The following PTPRN2 variants were observed in gnomAD, a reference collection of about 807,000 sequenced individuals.
The protein encoded by PTPRN2 is protein tyrosine phosphatase receptor type N2.
PTPRN2 carries 74 observed loss-of-function variants against 118.8 expected under a neutral mutation model. That is an observed-to-expected ratio of 0.62 (90% CI 0.52 to 0.76). The LOEUF (loss-of-function observed/expected upper bound fraction) is 0.76. PTPRN2 is among the 30% of genes least tolerant of loss of function. The pLI is 0.00. For synonymous variants in PTPRN2, 641 were observed against 608.0 expected (o/e 1.05, Z -0.80); for missense variants, 1,481 against 1,394.4 (o/e 1.06, Z -0.99).
intron 11 of PTPRN2, among the ~76,000 whole-genome samples, chr7:157,947,873 C>T (rs1800582071): frequency 6.6e-6 from 1 of 152,154 alleles, no homozygotes; most frequent in African/African-American, 2.4e-5. Context: ...CACCAGAAAC[C>T]ATGGAGGCCT....
rs1232364407 is a variant in PTPRN2, at chr7:157,881,223, A to ACGGTAAAATGAG, written c.1788+17449_1788+17450insCTCATTTTACCG. On this transcript the variant is annotated intron_variant, in intron 12 of 22. Transcript: ENST00000389418. The surrounding 1 kb of genome is among the most constrained non-coding windows in gnomAD (Gnocchi z 4.7). ...ATGTGGAGATGGGGGTGTTTACAGTAGTCATTATGGTAAAATGAGGTCATG... is the reference window on the plus strand; with the variant it reads ...ATGTGGAGATGGGGGTGTTTACAGTACGGTAAAATGAGGTCATTATGGTAAAATGAGGTCATG... Among the ~76,000 whole-genome samples the ACGGTAAAATGAG allele has an allele frequency of 1.2e-4, 17 of 147,488 alleles. No homozygotes were observed. Among genetic ancestry groups the ACGGTAAAATGAG allele is most frequent in the Admixed American group, 1.1e-3 (16 of 15,018 alleles).
chr7:157,983,835 C>G (rs1055155139), intron 11 of PTPRN2, among the ~76,000 whole-genome samples: 3 of 152,180 alleles, frequency 2.0e-5, no homozygotes, highest in African/African-American at 7.2e-5. Flanking sequence ...TTCATCAGCT[C>G]AAAAGCTGTG....
chr7:157,648,856 C>G (rs1805366884), intron 14 of PTPRN2, among the ~76,000 whole-genome samples: 1 of 147,924 alleles, frequency 6.8e-6, no homozygotes. Context: ...CCAGCGTGCA[C>G]TGAACTCGGT....
Position 157,632,629 on chromosome 7 carries a change from G to A in PTPRN2, c.2197-11120C>T, listed in dbSNP as rs572031795. Among the ~76,000 whole-genome samples, 1 of 151,882 alleles carries A rather than the reference G, an allele frequency of 6.6e-6. No homozygotes were observed. Among genetic ancestry groups the A allele is most frequent in the South Asian group, 2.1e-4 (1 of 4,818 alleles). ...GGGTGACAGGGGTCACCTGCAGAAAGACTAAGAAAGAAGCTGTTTAATAAT... is the reference window on the plus strand; with the variant it reads ...GGGTGACAGGGGTCACCTGCAGAAAAACTAAGAAAGAAGCTGTTTAATAAT... On this transcript the variant is annotated intron_variant, in intron 14 of 22. Coordinates refer to ENST00000389418, the MANE Select transcript of PTPRN2 (RefSeq NM_002847.5). This position sits in a 1 kb window ranked among gnomAD's most constrained non-coding sequence, Gnocchi z 4.3.
intron 13 of PTPRN2, among the ~76,000 whole-genome samples, chr7:157,666,638 C>T (rs529810045): frequency 7.9e-5 from 12 of 152,328 alleles, no homozygotes; most frequent in East Asian, 1.9e-4. Flanking sequence ...CCAGATCACC[C>T]GGGGCTGTGT....
chr7:158,407,228 G>C (rs374563546), intron 2 of PTPRN2, among the ~76,000 whole-genome samples: 693 of 22,780 alleles, frequency 0.03, 17 homozygotes, highest in Admixed American at 0.044. Context: ...CTGCGTCCTG[G>C]GTCCTGGGTC....
chr7:157,911,093 G>A (rs1798078918), intron 11 of PTPRN2, among the ~76,000 whole-genome samples: 1 of 152,204 alleles, frequency 6.6e-6, no homozygotes. Context: ...GAGGCCAAAG[G>A]CACTGTGGCA....
At chr7:158,171,177 CATATATACACACAT>C (rs1823571234) in intron 5 of PTPRN2, among the ~76,000 whole-genome samples, 2 of 138,220 alleles carry the variant, frequency 1.4e-5, no homozygotes, top group East Asian at 2.2e-4. Flanking sequence ...CATATATACA[CATATATACACACAT>C]ACATATATAT....
intron 11 of PTPRN2, among the ~76,000 whole-genome samples, chr7:158,071,734 T>C (rs1811814798): frequency 7.6e-6 from 1 of 132,244 alleles, no homozygotes; most frequent in Non-Finnish European, 1.6e-5. Flanking sequence ...GTGCTCGTGG[T>C]GGTGGAGGTG....
intron 11 of PTPRN2, among the ~76,000 whole-genome samples, chr7:158,074,257 C>A (rs1019186464): frequency 3.3e-5 from 5 of 152,220 alleles, no homozygotes; most frequent in Admixed American, 1.3e-4. Context: ...AGCATCACAG[C>A]CTCCTGCCGA....
intron 12 of PTPRN2, among the ~76,000 whole-genome samples, chr7:157,817,798 CA>C (rs1401491341): frequency 8.6e-5 from 13 of 151,884 alleles, no homozygotes; most frequent in African/African-American, 3.1e-4. Context: ...TGCATGTGTA[CA>C]TGTCTGTGTA....
chr7:157,696,784 G>T (rs1797804097), intron 12 of PTPRN2, among the ~76,000 whole-genome samples: 1 of 145,150 alleles, frequency 6.9e-6, no homozygotes, highest in Non-Finnish European at 1.5e-5. Context: ...ATCTACCCAT[G>T]CATACTGGAT....
chr7:158,475,557 C>T (rs1238098395), intron 2 of PTPRN2, among the ~76,000 whole-genome samples: 3 of 151,296 alleles, frequency 2.0e-5, no homozygotes, highest in Non-Finnish European at 2.9e-5. Context: ...CGGGAGGGCA[C>T]GCCCGCCTCC....
chr7:158,383,233 T>C (rs1207411262), intron 2 of PTPRN2, among the ~76,000 whole-genome samples: 1 of 152,182 alleles, frequency 6.6e-6, no homozygotes, highest in Non-Finnish European at 1.5e-5. Flanking sequence ...TTTGAAGAAT[T>C]ATTTTTGTAA....
In PTPRN2 at chr7:157,964,705, C is replaced by A. The variant is rs1801785923; in HGVS notation, c.1724-65968G>T. Among the ~76,000 whole-genome samples the A allele has an allele frequency of 6.6e-6, 1 of 152,168 alleles. No homozygotes were observed. The highest frequency in any genetic ancestry group is 2.1e-4 in the South Asian group (1 of 4,822). Reference sequence around the variant, plus strand: ...ACCTGAGGCAGCATCATGGACTTGACCGACTCACCTCAGAGCTTGGCACTG... The same window carrying A: ...ACCTGAGGCAGCATCATGGACTTGAACGACTCACCTCAGAGCTTGGCACTG... On this transcript the variant is annotated intron_variant, in intron 11 of 22. Transcript: ENST00000389418. The surrounding 1 kb of genome is among the most constrained non-coding windows in gnomAD (Gnocchi z 9.0).
chr7:157,705,137 C>T (rs1798261390), intron 12 of PTPRN2, among the ~76,000 whole-genome samples: 1 of 152,166 alleles, frequency 6.6e-6, no homozygotes, highest in Non-Finnish European at 1.5e-5. Flanking sequence ...AACCCCGTCT[C>T]TACTAAAAAT....
chr7:158,150,935 T>A (rs1820961886), intron 6 of PTPRN2, among the ~76,000 whole-genome samples: 1 of 151,654 alleles, frequency 6.6e-6, no homozygotes, highest in South Asian at 2.1e-4. Context: ...ACCGAGAAGC[T>A]GGGAAATATT....
intron 3 of PTPRN2, among the ~76,000 whole-genome samples, chr7:158,287,669 A>T (rs1799853903): frequency 6.6e-6 from 1 of 152,034 alleles, no homozygotes; most frequent in Admixed American, 6.5e-5. Flanking sequence ...TCATACCAGG[A>T]TGTTCAGAAA....
intron 1 of PTPRN2, among the ~76,000 whole-genome samples, chr7:158,506,019 C>G (rs530964142): frequency 1.3e-5 from 2 of 152,338 alleles, no homozygotes; most frequent in Admixed American, 6.5e-5. Context: ...GGGGCCACCT[C>G]AGGGCTGCAG....
Sources: gnomAD v4.1 joint callset for allele counts (sites outside exome capture counted in the v4.1 genomes callset) on GRCh38, gnomAD v4.1.1 for gene constraint, Gnocchi (gnomAD v3.1) non-coding constraint, MANE v1.5 for transcripts, NCBI Gene and HGNC (gene_info 2026-07-23, HGNC 2026-07-21) for gene names.